Variants in SH3KBP1 observed in about 807,000 individuals in gnomAD.
SH3KBP1 encodes SH3 domain containing kinase binding protein 1.
Under a neutral mutation model 50.1 loss-of-function variants are expected in SH3KBP1, and 8 were observed. That is an observed-to-expected ratio of 0.16 (90% CI 0.09 to 0.29). The LOEUF (loss-of-function observed/expected upper bound fraction) is 0.29, where lower values mean the gene tolerates loss of function less well. Ranked by LOEUF, SH3KBP1 falls within the 10% of genes least tolerant of loss-of-function variation. The probability of loss-of-function intolerance (pLI) is 1.00; values close to 1 mark genes in which losing one functional copy is unlikely to be tolerated. For missense variants in SH3KBP1, 377 were observed against 535.2 expected (o/e 0.70, Z 2.92); for synonymous variants, 227 against 218.6 (o/e 1.04, Z -0.34).
chrX:19,705,562 T>C (rs1243626808), intron 4 of SH3KBP1, among the ~76,000 whole-genome samples: 3 of 111,388 alleles, frequency 2.7e-5, no homozygotes, highest in Admixed American at 9.6e-5. Context: ...ATGAATGACA[T>C]GTTAATTATC....
intron 3 of SH3KBP1, among the ~76,000 whole-genome samples, chrX:19,741,902 C>G (rs1418672398): frequency 3.6e-5 from 4 of 111,213 alleles, no homozygotes; most frequent in Non-Finnish European, 5.7e-5. Context: ...GTCCAAAATT[C>G]CAGGCAACAG....
intron 6 of SH3KBP1, among the ~76,000 whole-genome samples, chrX:19,661,364 T>C (rs771089035): frequency 9.0e-6 from 1 of 111,465 alleles, no homozygotes; most frequent in Admixed American, 9.5e-5. Context: ...AAGTTTGTAA[T>C]GACATGGGAA....
intron 2 of SH3KBP1, among the ~76,000 whole-genome samples, chrX:19,755,411 A>C (rs1421518437): frequency 8.9e-6 from 1 of 111,954 alleles, no homozygotes; most frequent in Non-Finnish European, 1.9e-5. Context: ...AAAACTAAGA[A>C]TATAACATAG....
In SH3KBP1 at chrX:19,841,598, G is replaced by A. The variant is rs1001066553; in HGVS notation, c.5-5316C>T. Among the ~76,000 whole-genome samples the A allele has an allele frequency of 2.7e-5, 3 of 111,569 alleles. No individual in the cohort carries two copies. In the Admixed American group the frequency reaches 2.9e-4, roughly 11 times the overall value. On this transcript the variant is annotated intron_variant, in intron 1 of 17. Coordinates refer to ENST00000397821, the MANE Select transcript of SH3KBP1 (RefSeq NM_031892.3). The stretch of plus-strand genomic sequence containing the variant: ...TTGTTTCAGTCCTCTGAAGGGCATA[G>A]AAAATCAAGAAGTAATTTTTTGCCA...
At chrX:19,829,320 T>C (rs1179677614) in intron 2 of SH3KBP1, among the ~76,000 whole-genome samples, 1 of 112,029 alleles carries the variant, frequency 8.9e-6, no homozygotes, top group African/African-American at 3.2e-5. Context: ...TATGACTCCA[T>C]TTATACAAAA....
chrX:19,860,336 C>T (rs1350314984), intron 1 of SH3KBP1, among the ~76,000 whole-genome samples: 2 of 106,848 alleles, frequency 1.9e-5, no homozygotes, highest in Non-Finnish European at 3.9e-5. Context: ...CATGGATGAG[C>T]CTCAAAAGCT....
At chrX:19,541,787 C>G in intron 16 of SH3KBP1, 138 bp downstream of exon 16, 3 of 680,687 alleles carry the variant, frequency 4.4e-6, no homozygotes, top group Non-Finnish European at 6.7e-6. Flanking sequence ...TACACGCACT[C>G]CCACCATTGC....
At chrX:19,658,715 C>T (rs745490475) in intron 6 of SH3KBP1, among the ~76,000 whole-genome samples, 31 of 109,864 alleles carry the variant, frequency 2.8e-4, no homozygotes, top group Non-Finnish European at 3.6e-4. Flanking sequence ...TCCACCACCA[C>T]GCCCGGCTAA....
chrX:19,784,821 C>T (rs888227133), intron 2 of SH3KBP1, among the ~76,000 whole-genome samples: 1 of 110,486 alleles, frequency 9.1e-6, no homozygotes, highest in African/African-American at 3.3e-5. Context: ...GTGGGCCAGG[C>T]TGGTCTCAAA....
intron 2 of SH3KBP1, among the ~76,000 whole-genome samples, chrX:19,806,772 G>C (rs2067061226): frequency 8.9e-6 from 1 of 112,294 alleles, no homozygotes; most frequent in South Asian, 3.7e-4. Context: ...AGTTCAACAT[G>C]CATTTACTAA....
At chrX:19,813,685 G>A (rs2067274390) in intron 2 of SH3KBP1, among the ~76,000 whole-genome samples, 1 of 110,501 alleles carries the variant, frequency 9.0e-6, no homozygotes, top group African/African-American at 3.3e-5. Flanking sequence ...AGGACAGACT[G>A]GCATCACCAC....
chrX:19,820,749 C>T (rs2067502814), intron 2 of SH3KBP1, among the ~76,000 whole-genome samples: 1 of 110,901 alleles, frequency 9.0e-6, no homozygotes, highest in Admixed American at 9.6e-5. Context: ...TGTTTGTTCA[C>T]TCTGTTTTTC....
At chrX:19,709,482 T>C (rs1003070336) in intron 3 of SH3KBP1, among the ~76,000 whole-genome samples, 2 of 112,330 alleles carry the variant, frequency 1.8e-5, no homozygotes, top group African/African-American at 6.5e-5. Context: ...CTCAATGACT[T>C]ACCCCAGGTC....
intron 2 of SH3KBP1, among the ~76,000 whole-genome samples, chrX:19,806,602 G>T (rs1194737659): frequency 9.0e-6 from 1 of 111,261 alleles, no homozygotes; most frequent in African/African-American, 3.3e-5. Context: ...TTCCAGGTAG[G>T]GAAGTGTCAG....
At chrX:19,776,532 G>GTTTTTGTTTTTTTTTTT (rs1175802634) in intron 2 of SH3KBP1, among the ~76,000 whole-genome samples, 1 of 25,681 alleles carries the variant, frequency 3.9e-5, no homozygotes, top group African/African-American at 1.7e-4. Flanking sequence ...TGACAACCTG[G>GTTTTTGTTTTTTTTTTT]TTTTTTTTTT....
chrX:19,552,412 C>G (rs1359391616), intron 13 of SH3KBP1, among the ~76,000 whole-genome samples: 1 of 110,264 alleles, frequency 9.1e-6, no homozygotes, highest in Non-Finnish European at 1.9e-5. Flanking sequence ...TAACGAGGGG[C>G]AGAGGAAGGC....
In SH3KBP1 at chrX:19,877,622, T is replaced by A. The variant is rs557639007; in HGVS notation, c.4+9685A>T. On this transcript the variant is annotated intron_variant, in intron 1 of 17. Transcript: ENST00000397821. The stretch of plus-strand genomic sequence containing the variant: ...AACATGGCCCCAAGTCTTCTAAGTC[T>A]AGAACAGTCCAGAAAAATCTGGCAA... Among the ~76,000 whole-genome samples, 7 of 112,074 alleles carry A rather than the reference T, an allele frequency of 6.2e-5. No homozygotes were observed. The South Asian group carries it at 2.6e-3, about 41-fold the overall frequency.
At chrX:19,561,074 A>C (rs1006800401) in intron 13 of SH3KBP1, among the ~76,000 whole-genome samples, 1,922 of 92,428 alleles carry the variant, frequency 0.021, 46 homozygotes, top group African/African-American at 0.072. Context: ...ACCCTGTCTA[A>C]AAAAAAAAAA....
intron 2 of SH3KBP1, among the ~76,000 whole-genome samples, chrX:19,805,327 T>A (rs1182254996): frequency 2.7e-5 from 3 of 111,156 alleles, no homozygotes; most frequent in African/African-American, 9.8e-5. Context: ...TCTTTTAGCG[T>A]TAAAGGGCTT....
Sources: gnomAD v4.1 joint callset for allele counts (sites outside exome capture counted in the v4.1 genomes callset) on GRCh38, gnomAD v4.1.1 for gene constraint, MANE v1.5 for transcripts, NCBI Gene and HGNC (gene_info 2026-07-23, HGNC 2026-07-21) for gene names.